FAM222A: variants seen among roughly 807,000 people sequenced by gnomAD.
The protein encoded by FAM222A is family with sequence similarity 222 member A.
Under a neutral mutation model 25.8 loss-of-function variants are expected in FAM222A, and 7 were observed. The ratio of observed to expected loss-of-function variants is 0.27; its 90% CI spans 0.15 to 0.51. The LOEUF (loss-of-function observed/expected upper bound fraction) is 0.51, where lower values mean the gene tolerates loss of function less well. Among genes scored for constraint, FAM222A ranks in the 20% least tolerant of loss-of-function variants. FAM222A has a pLI of 0.97. For missense variants in FAM222A, 573 were observed against 640.5 expected (o/e 0.89, Z 1.14); for synonymous variants, 294 against 298.8 (o/e 0.98, Z 0.17).
In FAM222A at chr12:109,769,855, CT is replaced by C. The variant is rs1193486767; in HGVS notation, c.*568del. On this transcript the variant is annotated 3_prime_UTR_variant, in exon 3 of 3. Coordinates refer to ENST00000538780, the MANE Select transcript of FAM222A (RefSeq NM_032829.3). ...GGCTCCAGGGACTATACCAGTCCCC[CT>C]GTTCCTCCTTCCCCTACCCCCACCA... 3.2e-5 allele frequency: 5 copies of C among 154,076 alleles called. No homozygotes were observed. The highest frequency in any genetic ancestry group is 1.2e-4 in the African/African-American group (5 of 41,440). The allele number at this position is 154,076 out of a possible 1,614,324, so 9.5% of individuals were successfully genotyped here. A position where few individuals can be genotyped will look rare whatever the true frequency, so the allele number is the denominator to read the frequency against.
chr12:109,768,168 A>G lies in FAM222A; in HGVS notation c.239A>G (p.Asn80Ser). ...CACAAGCACCTCAGCCGCACAGTCA[A>G]TGGCTATGACACCAGTGGCCAGCGC... The part of the protein sequence containing the change: ...PQHKHLSRTV[N>S]GYDTSGQRYS... Residue 80 changes from asparagine to serine, a missense_variant, in exon 3 of 3, where the codon AAT becomes AGT. Around this residue, in one of 3 missense-constraint regions of FAM222A, gnomAD observed 112 missense variants for 154.6 expected, o/e 0.72. Transcript: ENST00000538780. The G allele has an allele frequency of 6.2e-7, 1 of 1,613,832 alleles. No homozygotes were observed. The highest frequency in any genetic ancestry group is 8.5e-7 in the Non-Finnish European group (1 of 1,180,006).
At chr12:109,762,634 C>T (rs1351466869) in intron 2 of FAM222A, among the ~76,000 whole-genome samples, 2 of 152,196 alleles carry the variant, frequency 1.3e-5, no homozygotes, top group East Asian at 1.9e-4. Flanking sequence ...ACTAAACACT[C>T]GCAGCTGGGC....
intron 2 of FAM222A, among the ~76,000 whole-genome samples, chr12:109,746,404 G>A (rs773055430): frequency 1.3e-5 from 2 of 151,982 alleles, no homozygotes; most frequent in African/African-American, 2.4e-5. Context: ...CAGGAGAATC[G>A]CTTGAACCCA....
chr12:109,738,582 A>G (rs567544083), intron 1 of FAM222A, among the ~76,000 whole-genome samples: 2 of 152,258 alleles, frequency 1.3e-5, no homozygotes, highest in South Asian at 4.1e-4. Context: ...CCAGCATCTC[A>G]TTCACTTCCT....
In FAM222A at chr12:109,714,195, G is replaced by T. The variant is rs957735347; in HGVS notation, c.-749G>T. 4 of 208,148 alleles carry T rather than the reference G, an allele frequency of 1.9e-5. No homozygotes were observed. The highest frequency in any genetic ancestry group is 3.9e-5 in the Non-Finnish European group (4 of 103,812). The allele number at this position is 208,148 out of a possible 1,614,324, so 12.9% of individuals were successfully genotyped here. A position where few individuals can be genotyped will look rare whatever the true frequency, so the allele number is the denominator to read the frequency against. ...CCGAGGCTGCATCCGAGCTTGCGTC[G>T]CCCGCTGCCGCCGCCGCCGCCGCTG... On this transcript the variant is annotated 5_prime_UTR_variant, in exon 1 of 3. Coordinates refer to ENST00000538780, the MANE Select transcript of FAM222A (RefSeq NM_032829.3). The surrounding 1 kb of genome is among the most constrained non-coding windows in gnomAD (Gnocchi z 4.2).
intron 1 of FAM222A, among the ~76,000 whole-genome samples, chr12:109,719,114 C>T (rs1048583313): frequency 3.3e-5 from 5 of 152,154 alleles, no homozygotes; most frequent in African/African-American, 1.2e-4. Flanking sequence ...CTCTCTGACC[C>T]CAAATTCATG....
intron 2 of FAM222A, among the ~76,000 whole-genome samples, chr12:109,766,949 G>A (rs1237868640): frequency 6.6e-6 from 1 of 151,842 alleles, no homozygotes; most frequent in Non-Finnish European, 1.5e-5. Flanking sequence ...AGGCTGGAAT[G>A]CAATGGCACA....
intron 1 of FAM222A, among the ~76,000 whole-genome samples, chr12:109,737,197 C>T (rs1373817807): frequency 2.0e-5 from 3 of 152,130 alleles, no homozygotes; most frequent in South Asian, 4.2e-4. Flanking sequence ...CTCAAAAGTC[C>T]TTCCTGGCTC....
At chr12:109,716,671 C>T (rs1295904709) in intron 1 of FAM222A, among the ~76,000 whole-genome samples, 6 of 152,192 alleles carry the variant, frequency 3.9e-5, no homozygotes, top group Non-Finnish European at 8.8e-5. Context: ...TCGGAGTGCG[C>T]GCCAGAGATT....
chr12:109,763,625 A>G (rs571911240), intron 2 of FAM222A, among the ~76,000 whole-genome samples: 2 of 152,328 alleles, frequency 1.3e-5, no homozygotes, highest in African/African-American at 4.8e-5. Flanking sequence ...CTTCCCCCAG[A>G]GCAAGTGGTC....
chr12:109,715,227 G>A (rs1471856995), intron 1 of FAM222A, among the ~76,000 whole-genome samples: 1 of 152,166 alleles, frequency 6.6e-6, no homozygotes, highest in African/African-American at 2.4e-5. Context: ...GGGCTGGGGG[G>A]TGGGGGGCAC....
intron 1 of FAM222A, among the ~76,000 whole-genome samples, chr12:109,728,972 G>C (rs1887890287): frequency 1.8e-5 from 1 of 57,058 alleles, no homozygotes; most frequent in Non-Finnish European, 4.8e-5. Context: ...GGGGTTACAG[G>C]TAAAAAAAAA....
intron 1 of FAM222A, among the ~76,000 whole-genome samples, chr12:109,730,416 G>T (rs866673203): frequency 1.3e-4 from 19 of 148,490 alleles, no homozygotes; most frequent in Admixed American, 8.1e-4. Context: ...CGGGGGGGGG[G>T]GTTCCTCCAG....
chr12:109,733,242 A>G (rs533703478), intron 1 of FAM222A, among the ~76,000 whole-genome samples: 1 of 152,342 alleles, frequency 6.6e-6, no homozygotes, highest in African/African-American at 2.4e-5. Context: ...AAAGACTTAG[A>G]ATAAAAACAA....
At chr12:109,758,741 A>G (rs1301640300) in intron 2 of FAM222A, among the ~76,000 whole-genome samples, 1 of 152,208 alleles carries the variant, frequency 6.6e-6, no homozygotes, top group African/African-American at 2.4e-5. Flanking sequence ...GCCACCTCCA[A>G]GGGCAGAGTG....
chr12:109,737,264 G>A (rs1390389531), intron 1 of FAM222A, among the ~76,000 whole-genome samples: 3 of 152,028 alleles, frequency 2.0e-5, no homozygotes, highest in Non-Finnish European at 4.4e-5. Context: ...TGTGCAGAGG[G>A]AAGCCCACCT....
At chr12:109,738,150 G>A (rs1247899191) in intron 1 of FAM222A, among the ~76,000 whole-genome samples, 10 of 152,132 alleles carry the variant, frequency 6.6e-5, no homozygotes. Context: ...GGGGGTTGGG[G>A]GAAGCTTGCA....
At chr12:109,742,910 T>C (rs1566190946) in intron 1 of FAM222A, among the ~76,000 whole-genome samples, 2 of 152,184 alleles carry the variant, frequency 1.3e-5, no homozygotes, top group Non-Finnish European at 2.9e-5. Context: ...ACTTCATTAT[T>C]AGAAGAAAGC....
intron 2 of FAM222A, among the ~76,000 whole-genome samples, chr12:109,766,826 C>T (rs982758867): frequency 1.3e-5 from 2 of 152,122 alleles, no homozygotes; most frequent in East Asian, 3.9e-4. Flanking sequence ...CCCCTGTGAC[C>T]TAGAAATTCC....
Sources: gnomAD v4.1 joint callset for allele counts (sites outside exome capture counted in the v4.1 genomes callset) on GRCh38, gnomAD v4.1.1 for gene constraint, gnomAD v4.1.1 regional missense constraint, Gnocchi (gnomAD v3.1) non-coding constraint, MANE v1.5 for transcripts, NCBI Gene and HGNC (gene_info 2026-07-23, HGNC 2026-07-21) for gene names.